GRID1: variants seen among roughly 807,000 people sequenced by gnomAD.
GRID1 encodes the protein glutamate receptor ionotropic, delta-1.
A neutral mutation model predicts 98.0 loss-of-function variants in GRID1; 28 were observed. That is an observed-to-expected ratio of 0.29 (90% CI 0.21 to 0.39). The LOEUF is 0.39. GRID1 is among the 10% of genes least tolerant of loss of function. The probability of loss-of-function intolerance (pLI) is 1.00; values close to 1 mark genes in which losing one functional copy is unlikely to be tolerated. For synonymous variants in GRID1, 553 were observed against 538.5 expected (o/e 1.03, Z -0.37); for missense variants, 1,111 against 1,340.5 (o/e 0.83, Z 2.67).
At chr10:86,328,362 G>GT (rs1379302694) in intron 2 of GRID1, among the ~76,000 whole-genome samples, 1 of 152,178 alleles carries the variant, frequency 6.6e-6, no homozygotes, top group Non-Finnish European at 1.5e-5. Flanking sequence ...AATGAGATGT[G>GT]TTTGTGTATT....
intron 2 of GRID1, among the ~76,000 whole-genome samples, chr10:86,283,545 C>T (rs1847384861): frequency 1.4e-5 from 1 of 72,048 alleles, no homozygotes; most frequent in African/African-American, 5.9e-5. Context: ...ACACACACAC[C>T]TGCCCTTACA....
chr10:85,724,922 C>T (rs1279216522), intron 10 of GRID1, among the ~76,000 whole-genome samples: 2 of 152,164 alleles, frequency 1.3e-5, no homozygotes, highest in African/African-American at 4.8e-5. Flanking sequence ...AGAAAAGAGC[C>T]GAGTAAAGTA....
At position 86,143,742 on chromosome 10, in the gene GRID1, G is replaced by A. The variant is rs546170911; in HGVS notation, c.521-4718C>T. Among the ~76,000 whole-genome samples the A allele has an allele frequency of 4.6e-5, 7 of 152,358 alleles. No individual in the cohort carries two copies. In the East Asian group the frequency reaches 1.4e-3, roughly 29 times the overall value. ...GAGCCACCAGGTCTCCAGGCACCCA[G>A]GAGAGGCATGGACTCTGGAAAAGGC... On this transcript the variant is annotated intron_variant, in intron 3 of 15. Coordinates refer to ENST00000327946, the MANE Select transcript of GRID1 (RefSeq NM_017551.3).
At chr10:85,881,941 A>T (rs1438574190) in intron 5 of GRID1, among the ~76,000 whole-genome samples, 1 of 152,046 alleles carries the variant, frequency 6.6e-6, no homozygotes, top group African/African-American at 2.4e-5. Context: ...AAAACAAACA[A>T]CCCCATCAAA....
intron 4 of GRID1, among the ~76,000 whole-genome samples, chr10:86,008,014 G>A (rs1160398279): frequency 6.6e-6 from 1 of 152,122 alleles, no homozygotes; most frequent in Non-Finnish European, 1.5e-5. Context: ...TGTCACCTGA[G>A]AGGAAGATGG....
chr10:85,767,042 T>C (rs1002594639), intron 8 of GRID1, among the ~76,000 whole-genome samples: 8 of 152,144 alleles, frequency 5.3e-5, no homozygotes, highest in African/African-American at 1.7e-4. Context: ...AATCCACGTC[T>C]GTCATTGTCA....
Position 85,657,593 on chromosome 10 carries a change from G to A in GRID1, c.1998-10196C>T, listed in dbSNP as rs370111409. ...CTTGGGTTGACTAGTCTCCCTTCAG[G>A]ACAACTGTGAGTCAATCATCTGCAG... On this transcript the variant is annotated intron_variant, in intron 12 of 15. Transcript: ENST00000327946. Among the ~76,000 whole-genome samples the A allele has an allele frequency of 7.2e-5, 11 of 152,302 alleles. No homozygotes were observed. The South Asian group carries it at 1.7e-3, about 23-fold the overall frequency.
At chr10:86,308,199 G>A (rs1425527533) in intron 2 of GRID1, among the ~76,000 whole-genome samples, 1 of 152,128 alleles carries the variant, frequency 6.6e-6, no homozygotes, top group African/African-American at 2.4e-5. Flanking sequence ...TTTCCAGCCT[G>A]CCCCACCTCC....
At chr10:86,337,720 T>G (rs1375269684) in intron 2 of GRID1, among the ~76,000 whole-genome samples, 5 of 141,728 alleles carry the variant, frequency 3.5e-5, no homozygotes, top group Admixed American at 7.0e-5. Context: ...TTTTTTTTTT[T>G]TTTTTGAGAT....
chr10:86,008,910 C>T (rs1564648737), intron 4 of GRID1, among the ~76,000 whole-genome samples: 1 of 152,074 alleles, frequency 6.6e-6, no homozygotes, highest in African/African-American at 2.4e-5. Flanking sequence ...GGAAGCAGCA[C>T]AAAAATGTTC....
intron 2 of GRID1, among the ~76,000 whole-genome samples, chr10:86,334,576 C>T (rs1228120954): frequency 6.6e-6 from 1 of 152,204 alleles, no homozygotes; most frequent in East Asian, 1.9e-4. Context: ...TTAGGGCTAT[C>T]TGTCTAAATG....
chr10:86,333,346 A>C (rs751450941), intron 2 of GRID1, among the ~76,000 whole-genome samples: 2 of 152,258 alleles, frequency 1.3e-5, no homozygotes, highest in Non-Finnish European at 2.9e-5. Flanking sequence ...TGCTGCTTCT[A>C]GGATAATTTC....
chr10:86,362,898 A>G (rs1360872823), intron 2 of GRID1, among the ~76,000 whole-genome samples: 1 of 152,106 alleles, frequency 6.6e-6, no homozygotes, highest in Non-Finnish European at 1.5e-5. Context: ...CCCCCTCTAC[A>G]CTTCTCTACC....
At chr10:85,612,184 C>T (rs903373073) in intron 15 of GRID1, among the ~76,000 whole-genome samples, 1 of 152,186 alleles carries the variant, frequency 6.6e-6, no homozygotes, top group African/African-American at 2.4e-5. Context: ...CACCCCTGAC[C>T]TGCCAGGAAT....
chr10:86,257,238 G>C (rs1476610581), intron 2 of GRID1, among the ~76,000 whole-genome samples: 1 of 152,226 alleles, frequency 6.6e-6, no homozygotes, highest in Admixed American at 6.5e-5. Context: ...GGTGCATTCA[G>C]AGATAACAAC....
chr10:86,134,454 C>G (rs146464172), intron 4 of GRID1, among the ~76,000 whole-genome samples: 34 of 152,348 alleles, frequency 2.2e-4, no homozygotes, highest in African/African-American at 7.9e-4. Flanking sequence ...TGACTGTGGA[C>G]TGGAGTTCTC....
chr10:85,947,833 T>A (rs1186281489), intron 4 of GRID1, among the ~76,000 whole-genome samples: 1 of 152,220 alleles, frequency 6.6e-6, no homozygotes, highest in Non-Finnish European at 1.5e-5. Flanking sequence ...ACCTTGTTCT[T>A]ATTTTGTTCG....
At chr10:86,007,818 GTTTTTTTA>G (rs1271694215) in intron 4 of GRID1, among the ~76,000 whole-genome samples, 15 of 136,394 alleles carry the variant, frequency 1.1e-4, no homozygotes, top group Middle Eastern at 7.2e-3. Flanking sequence ...TGTTTTTTGT[GTTTTTTTA>G]TTTATTTATT....
At chr10:85,669,285 T>G (rs1256253465) in intron 12 of GRID1, among the ~76,000 whole-genome samples, 1 of 152,192 alleles carries the variant, frequency 6.6e-6, no homozygotes, top group African/African-American at 2.4e-5. Context: ...GGGGCCCCCA[T>G]GAGCCAGGCA....
Sources: allele counts gnomAD v4.1 joint callset (sites outside exome capture counted in the v4.1 genomes callset), GRCh38; gene constraint gnomAD v4.1.1; transcripts MANE v1.5; gene names NCBI Gene and HGNC (gene_info 2026-07-23, HGNC 2026-07-21).